The following PARD3 variants were observed in gnomAD, a reference collection of about 807,000 sequenced individuals.
The protein encoded by PARD3 is partitioning defective 3 homolog.
PARD3 carries 75 observed loss-of-function variants against 155.4 expected under a neutral mutation model. The observed-to-expected ratio is 0.48, with a 90% CI of 0.40 to 0.58. The LOEUF (loss-of-function observed/expected upper bound fraction) is 0.58. Among genes scored for constraint, PARD3 ranks in the 20% least tolerant of loss-of-function variants. The pLI, the probability that PARD3 is intolerant of heterozygous loss-of-function variation, is 0.00. For synonymous variants in PARD3, 576 were observed against 610.5 expected (o/e 0.94, Z 0.83); for missense variants, 1,642 against 1,721.7 (o/e 0.95, Z 0.82).
intron 1 of PARD3, among the ~76,000 whole-genome samples, chr10:34,702,742 A>T (rs1379729930): frequency 6.6e-6 from 1 of 152,148 alleles, no homozygotes; most frequent in Admixed American, 6.5e-5. Flanking sequence ...GGCAGGGGGG[A>T]ATCTGGCCCA....
At chr10:34,483,575 T>C (rs1275992752) in intron 3 of PARD3, among the ~76,000 whole-genome samples, 1 of 152,034 alleles carries the variant, frequency 6.6e-6, no homozygotes. Context: ...TCCTCATATA[T>C]GTGCTGAGTA....
intron 1 of PARD3, among the ~76,000 whole-genome samples, chr10:34,719,413 C>A (rs1382059893): frequency 6.6e-6 from 1 of 152,186 alleles, no homozygotes; most frequent in African/African-American, 2.4e-5. Flanking sequence ...AATCCCTTCT[C>A]ATCCCTCCAA....
chr10:34,480,052 G>A (rs2078975555), intron 3 of PARD3, among the ~76,000 whole-genome samples: 1 of 152,200 alleles, frequency 6.6e-6, no homozygotes, highest in South Asian at 2.1e-4. Context: ...TTCTGTCAAT[G>A]CCCTGCTGCT....
intron 9 of PARD3, among the ~76,000 whole-genome samples, chr10:34,378,417 T>C (rs1841473222): frequency 6.6e-6 from 1 of 152,130 alleles, no homozygotes; most frequent in Non-Finnish European, 1.5e-5. Flanking sequence ...AATAGGAAAT[T>C]CACTACATGA....
chr10:34,727,289 T>G (rs1038180337), intron 1 of PARD3, among the ~76,000 whole-genome samples: 1 of 152,218 alleles, frequency 6.6e-6, no homozygotes, highest in Non-Finnish European at 1.5e-5. Flanking sequence ...CATACAAGCT[T>G]GCTCTGGCCC....
At chr10:34,719,045 C>T (rs2094564911) in intron 1 of PARD3, among the ~76,000 whole-genome samples, 1 of 152,154 alleles carries the variant, frequency 6.6e-6, no homozygotes. Flanking sequence ...CAATACACTC[C>T]ATCACAACTT....
At chr10:34,761,795 G>C (rs369544067) in intron 1 of PARD3, among the ~76,000 whole-genome samples, 2 of 152,128 alleles carry the variant, frequency 1.3e-5, no homozygotes, top group South Asian at 4.1e-4. Context: ...TTCTACTTAA[G>C]AAAACGATGA....
At chr10:34,207,619 G>A (rs1159568114) in intron 22 of PARD3, among the ~76,000 whole-genome samples, 1 of 152,142 alleles carries the variant, frequency 6.6e-6, no homozygotes, top group Non-Finnish European at 1.5e-5. Context: ...GGTTAAATGT[G>A]TACTCTACCT....
chr10:34,692,815 A>C (rs2094094156), intron 2 of PARD3, among the ~76,000 whole-genome samples: 1 of 152,250 alleles, frequency 6.6e-6, no homozygotes. Flanking sequence ...TGGAGGTTGC[A>C]GTGAGCTGAG....
At chr10:34,685,230 T>G (rs577912502) in intron 2 of PARD3, among the ~76,000 whole-genome samples, 2 of 152,318 alleles carry the variant, frequency 1.3e-5, no homozygotes, top group South Asian at 4.2e-4. Flanking sequence ...GAAAACACAT[T>G]TCATAAGTTT....
At chr10:34,310,578 C>CTT (rs1957649897) in intron 20 of PARD3, among the ~76,000 whole-genome samples, 1 of 152,206 alleles carries the variant, frequency 6.6e-6, no homozygotes, top group African/African-American at 2.4e-5. Flanking sequence ...AGCCGTCATG[C>CTT]TTTGTGCCTC....
At chr10:34,551,523 G>T (rs1229261791) in intron 2 of PARD3, among the ~76,000 whole-genome samples, 1 of 152,160 alleles carries the variant, frequency 6.6e-6, no homozygotes, top group Non-Finnish European at 1.5e-5. Context: ...AACAGCCCTT[G>T]GGCTGGAGGT....
At chr10:34,789,520 A>G (rs1185478437) in intron 1 of PARD3, among the ~76,000 whole-genome samples, 1 of 152,018 alleles carries the variant, frequency 6.6e-6, no homozygotes, top group Admixed American at 6.6e-5. Flanking sequence ...CAGCATGCTG[A>G]GACCCTGTCT....
intron 2 of PARD3, among the ~76,000 whole-genome samples, chr10:34,560,592 A>G (rs1283684351): frequency 6.6e-6 from 1 of 152,212 alleles, no homozygotes; most frequent in Non-Finnish European, 1.5e-5. Context: ...CTGTAATATT[A>G]ACAACAATTT....
Position 34,231,266 on chromosome 10 carries a change from C to CCA in PARD3, c.3419+38390_3419+38391insTG, listed in dbSNP as rs772919341. ...CTAGTGTTATTAATATAATCTTAGGCAAAAAAAAAAAAAAAAAAAAAAGAA... is the reference window on the plus strand; with the variant it reads ...CTAGTGTTATTAATATAATCTTAGGCCAAAAAAAAAAAAAAAAAAAAAAAGAA... On this transcript the variant is annotated intron_variant, in intron 22 of 24. Transcript: ENST00000374788. Among the ~76,000 whole-genome samples the CCA allele has an allele frequency of 2.4e-5, 2 of 81,840 alleles. 1 individual carries two copies. The highest frequency in any genetic ancestry group is 4.5e-5 in the Non-Finnish European group (2 of 44,498). 53.7% of individuals were successfully genotyped at this position (81,840 alleles called of 152,430 possible).
chr10:34,208,527 T>C (rs1216775279), intron 22 of PARD3, among the ~76,000 whole-genome samples: 1 of 152,222 alleles, frequency 6.6e-6, no homozygotes, highest in African/African-American at 2.4e-5. Context: ...TGTTTACTAA[T>C]AGATCACACC....
chr10:34,443,360 A>AT (rs1750417739), intron 5 of PARD3, among the ~76,000 whole-genome samples: 1 of 152,200 alleles, frequency 6.6e-6, no homozygotes, highest in Non-Finnish European at 1.5e-5. Context: ...TAATTTTTGA[A>AT]TATAACTTAT....
intron 21 of PARD3, 25 bp downstream of exon 21, chr10:34,284,110 G>T (rs1956278777): frequency 1.5e-5 from 19 of 1,298,256 alleles, no homozygotes; most frequent in Non-Finnish European, 1.9e-5. Flanking sequence ...TTCTAAGGAG[G>T]TTTAATCAAG....
intron 2 of PARD3, among the ~76,000 whole-genome samples, chr10:34,610,800 T>C (rs1334026280): frequency 6.6e-6 from 1 of 152,180 alleles, no homozygotes; most frequent in Non-Finnish European, 1.5e-5. Flanking sequence ...TTTATAAAGT[T>C]TGATATGCAA....
Sources: allele counts gnomAD v4.1 joint callset (sites outside exome capture counted in the v4.1 genomes callset), GRCh38; gene constraint gnomAD v4.1.1; transcripts MANE v1.5; gene names NCBI Gene and HGNC (gene_info 2026-07-23, HGNC 2026-07-21).